MAST2: variants seen among roughly 807,000 people sequenced by gnomAD.
MAST2 encodes microtubule associated serine/threonine kinase 2, also known as microtubule-associated serine/threonine-protein kinase 2.
A neutral mutation model predicts 147.4 loss-of-function variants in MAST2; 70 were observed. That is an observed-to-expected ratio of 0.47 (90% CI 0.39 to 0.58). The LOEUF is 0.58. MAST2 is among the 20% of genes least tolerant of loss of function. The probability of loss-of-function intolerance (pLI) is 0.00; values close to 1 mark genes in which losing one functional copy is unlikely to be tolerated. For missense variants in MAST2, 2,080 were observed against 2,302.3 expected, an observed-to-expected ratio of 0.90 and a Z score of 1.98; for synonymous variants, 869 against 896.8, an observed-to-expected ratio of 0.97 and a Z score of 0.55.
chr1:45,933,306 G>T (rs1655657967), intron 4 of MAST2, among the ~76,000 whole-genome samples: 1 of 151,770 alleles, frequency 6.6e-6, no homozygotes. Context: ...ACTGCTCCCG[G>T]GAAATGTATA....
chr1:45,991,121 T>TTCCAGCACCATTCGTCAA (rs1553121535), intron 5 of MAST2, among the ~76,000 whole-genome samples: 1 of 152,140 alleles, frequency 6.6e-6, no homozygotes, highest in Non-Finnish European at 1.5e-5. Flanking sequence ...CATTCAGTTG[T>TTCCAGCACCATTCGTCAA]TCCAGCACCA....
Position 46,031,158 on chromosome 1 carries a change from C to A in MAST2, c.2860C>A (p.Pro954Thr). The A allele has an allele frequency of 1.2e-6, 2 of 1,606,122 alleles. No individual in the cohort carries two copies. Among genetic ancestry groups the A allele is most frequent in the Non-Finnish European group, 8.5e-7 (1 of 1,174,544 alleles). ...GGCCAGCAGCACCCTCAGGAGGCAACCACAGGAGGGTATATGGGTCCTGAC... is the reference window on the plus strand; with the variant it reads ...GGCCAGCAGCACCCTCAGGAGGCAAACACAGGAGGGTATATGGGTCCTGAC... ...EEASSTLRRQ[P>T]QEGIWVLTPP... Residue 954 changes from proline (P) to threonine (T), a missense_variant, in exon 23 of 29, where the codon CCA becomes ACA. Pro to Thr is a conservative substitution (Grantham distance 38, BLOSUM62 -1). Transcript: ENST00000361297. The surrounding 1 kb of genome is among the most constrained non-coding windows in gnomAD (Gnocchi z 4.1).
rs59944185 is a variant in MAST2, at chr1:45,883,912, G to GCCTCCCCCCCCCCTC, written c.500+1519_500+1520insTCCCCCCCCCCTCCC. On this transcript the variant is annotated intron_variant, in intron 4 of 28. Coordinates refer to ENST00000361297, the MANE Select transcript of MAST2 (RefSeq NM_015112.3). ...ACTTGGTCATTTTTCTACTATTTCT[G>GCCTCCCCCCCCCCTC]CCCCCCCCGCTTTTTTTTGGTTGCT... Among the ~76,000 whole-genome samples, 3 of 2,488 alleles carry GCCTCCCCCCCCCCTC rather than the reference G, an allele frequency of 1.2e-3. 1 individual carries two copies. The highest frequency in any genetic ancestry group is 3.0e-3 in the Non-Finnish European group (3 of 1,004). 1.6% of individuals were successfully genotyped at this position (2,488 alleles called of 152,430 possible).
At chr1:45,941,018 G>A (rs1236539343) in intron 4 of MAST2, among the ~76,000 whole-genome samples, 3 of 152,206 alleles carry the variant, frequency 2.0e-5, no homozygotes, top group Non-Finnish European at 2.9e-5. Context: ...TCTGATTGGT[G>A]AATGACAGTG....
At chr1:45,811,735 G>C (rs1006866965) in intron 1 of MAST2, among the ~76,000 whole-genome samples, 1 of 148,590 alleles carries the variant, frequency 6.7e-6, no homozygotes, top group Non-Finnish European at 1.5e-5. Flanking sequence ...CCGGGTTCCC[G>C]CCGTTCTCCT....
At chr1:45,851,419 G>A (rs78439387) in intron 3 of MAST2, among the ~76,000 whole-genome samples, 1,916 of 152,280 alleles carry the variant, frequency 0.013, 49 homozygotes, top group African/African-American at 0.044. Flanking sequence ...TGCAAAGAAA[G>A]ATAGCTGGAC....
rs754544108 is a variant in MAST2 at position 45,970,667 on chromosome 1, CAAA to C, written c.592+11210_592+11212del. On this transcript the variant is annotated intron_variant, in intron 5 of 28. Coordinates refer to ENST00000361297, the MANE Select transcript of MAST2 (RefSeq NM_015112.3). ...TGGGCAACAGAGGAAGACTCTGTCT[CAAA>C]AAAAAAAAAAAAAAAAAAAGAATTT... 3.5e-3 allele frequency among the ~76,000 whole-genome samples: 255 copies of C among 72,388 alleles called. 2 individuals are homozygous for C. The Middle Eastern group carries it at 0.053, about 15-fold the overall frequency. 47.5% of individuals were successfully genotyped at this position (72,388 alleles called of 152,430 possible).
chr1:45,993,263 G>T (rs1224216105), intron 5 of MAST2, among the ~76,000 whole-genome samples: 1 of 152,024 alleles, frequency 6.6e-6, no homozygotes, highest in East Asian at 1.9e-4. Context: ...ATTTCCACCT[G>T]GCATCCTTTG....
chr1:45,954,818 G>A (rs572341427), intron 4 of MAST2, among the ~76,000 whole-genome samples: 16 of 152,110 alleles, frequency 1.1e-4, no homozygotes, highest in Non-Finnish European at 2.2e-4. Context: ...CATGTGGCCT[G>A]GAAATACGAT....
intron 1 of MAST2, among the ~76,000 whole-genome samples, chr1:45,810,100 T>G (rs1376415013): frequency 6.6e-6 from 1 of 152,254 alleles, no homozygotes; most frequent in Non-Finnish European, 1.5e-5. Flanking sequence ...CTAAAGGCTT[T>G]GCTCACAATA....
At chr1:45,995,363 G>A (rs924384431) in intron 5 of MAST2, among the ~76,000 whole-genome samples, 7 of 152,096 alleles carry the variant, frequency 4.6e-5, no homozygotes, top group Non-Finnish European at 1.0e-4. Flanking sequence ...TCTTTCTCAT[G>A]TTTGGGATTC....
chr1:45,841,140 G>T (rs943079057), intron 3 of MAST2, among the ~76,000 whole-genome samples: 1 of 151,788 alleles, frequency 6.6e-6, no homozygotes, highest in African/African-American at 2.4e-5. Flanking sequence ...GGGGGTTGGG[G>T]GTGGGGGCTC....
Position 45,803,827 on chromosome 1 carries a change from G to C in MAST2, c.-69G>C. ...CGCGGGTGGTGGTTGGCGCGGCTGC[G>C]CTGCGGCCCGGGGCAGTGCGGAGCC... On this transcript the variant is annotated 5_prime_UTR_variant, in exon 1 of 29. Coordinates refer to ENST00000361297, the MANE Select transcript of MAST2 (RefSeq NM_015112.3). The C allele has an allele frequency of 2.4e-6, 1 of 414,106 alleles. No homozygotes were observed. The highest frequency in any genetic ancestry group is 4.0e-6 in the Non-Finnish European group (1 of 248,860). The allele number at this position is 414,106 out of a possible 1,614,324, so 25.7% of individuals were successfully genotyped here. A position where few individuals can be genotyped will look rare whatever the true frequency, so the allele number is the denominator to read the frequency against.
At chr1:45,864,742 A>G (rs1002569681) in intron 3 of MAST2, among the ~76,000 whole-genome samples, 2 of 152,192 alleles carry the variant, frequency 1.3e-5, no homozygotes, top group African/African-American at 2.4e-5. Context: ...AACCTTTTTA[A>G]TAAGCAGCAA....
At chr1:45,829,375 G>T (rs1644884714) in intron 2 of MAST2, 64 bp from the exon 3 acceptor site, 1 of 1,439,970 alleles carries the variant, frequency 6.9e-7, no homozygotes, top group Non-Finnish European at 9.5e-7. Flanking sequence ...CACTGTATTT[G>T]TATTTTTTCA....
intron 5 of MAST2, among the ~76,000 whole-genome samples, chr1:45,974,955 C>A (rs1463622459): frequency 6.6e-6 from 1 of 152,136 alleles, no homozygotes; most frequent in Non-Finnish European, 1.5e-5. Context: ...TGACTTTTAG[C>A]AAGGAGGAGT....
At chr1:45,864,581 G>A (rs1346828403) in intron 3 of MAST2, among the ~76,000 whole-genome samples, 1 of 152,094 alleles carries the variant, frequency 6.6e-6, no homozygotes, top group Non-Finnish European at 1.5e-5. Context: ...TAAAATACAG[G>A]CATCAGAATC....
chr1:45,899,679 G>T (rs1362373444), intron 4 of MAST2, among the ~76,000 whole-genome samples: 1 of 151,998 alleles, frequency 6.6e-6, no homozygotes, highest in East Asian at 1.9e-4. Context: ...TGGTATATAT[G>T]TACCACATTT....
At chr1:45,817,764 C>T (rs1644500695) in intron 1 of MAST2, among the ~76,000 whole-genome samples, 1 of 152,206 alleles carries the variant, frequency 6.6e-6, no homozygotes, top group South Asian at 2.1e-4. Context: ...ACTACAACAA[C>T]TTTTCCAGAC....
Sources: gnomAD v4.1 joint callset for allele counts (sites outside exome capture counted in the v4.1 genomes callset) on GRCh38, gnomAD v4.1.1 for gene constraint, Gnocchi (gnomAD v3.1) non-coding constraint, MANE v1.5 for transcripts, NCBI Gene and HGNC (gene_info 2026-07-23, HGNC 2026-07-21) for gene names.